LRMDA: variants seen among roughly 807,000 people sequenced by gnomAD.
The protein encoded by LRMDA is leucine-rich melanocyte differentiation-associated protein.
In LRMDA, 18 loss-of-function variants were observed where a neutral mutation model predicts 29.8. That is an observed-to-expected ratio of 0.60 (90% CI 0.42 to 0.90). The LOEUF (loss-of-function observed/expected upper bound fraction) is 0.90. Among genes scored for constraint, LRMDA ranks in the 40% least tolerant of loss-of-function variants. LRMDA has a pLI of 0.00. For synonymous variants in LRMDA, 125 were observed against 109.4 expected (o/e 1.14, Z -0.89); for missense variants, 273 against 273.9 (o/e 1.00, Z 0.02).
At chr10:75,961,544 A>G (rs1160512260) in intron 2 of LRMDA, among the ~76,000 whole-genome samples, 1 of 152,134 alleles carries the variant, frequency 6.6e-6, no homozygotes, top group Non-Finnish European at 1.5e-5. Flanking sequence ...ATTGCAGTTT[A>G]CTCTGCTATT....
chr10:75,622,281 T>A (rs895566339), intron 2 of LRMDA, among the ~76,000 whole-genome samples: 2 of 149,932 alleles, frequency 1.3e-5, no homozygotes, highest in Non-Finnish European at 3.0e-5. Flanking sequence ...ATGAAATTAA[T>A]GGTGTTTTAT....
At chr10:75,639,223 G>T (rs1841423914) in intron 2 of LRMDA, among the ~76,000 whole-genome samples, 2 of 152,134 alleles carry the variant, frequency 1.3e-5, no homozygotes, top group Non-Finnish European at 2.9e-5. Flanking sequence ...GTATTTGTGG[G>T]TATATCAGTC....
intron 6 of LRMDA, among the ~76,000 whole-genome samples, chr10:76,464,215 G>A (rs956547632): frequency 2.6e-5 from 4 of 152,026 alleles, no homozygotes; most frequent in East Asian, 1.9e-4. Context: ...CGCTGCGCCC[G>A]GCAGATATTC....
chr10:75,805,356 C>T (rs909883413), intron 2 of LRMDA, among the ~76,000 whole-genome samples: 1 of 152,194 alleles, frequency 6.6e-6, no homozygotes, highest in Non-Finnish European at 1.5e-5. Context: ...TGCTGCTGAT[C>T]TAAGATGTGG....
chr10:75,657,350 C>T (rs1345667681), intron 2 of LRMDA, among the ~76,000 whole-genome samples: 1 of 152,162 alleles, frequency 6.6e-6, no homozygotes, highest in African/African-American at 2.4e-5. Flanking sequence ...AGCTGATCCT[C>T]ATAAGGCAAT....
intron 6 of LRMDA, among the ~76,000 whole-genome samples, chr10:76,482,890 C>G (rs1328450625): frequency 1.3e-5 from 2 of 151,914 alleles, no homozygotes; most frequent in Non-Finnish European, 2.9e-5. Context: ...CTCACTAATA[C>G]TGGGTATTAT....
At chr10:75,700,113 G>T (rs1842286519) in intron 2 of LRMDA, among the ~76,000 whole-genome samples, 2 of 152,098 alleles carry the variant, frequency 1.3e-5, no homozygotes, top group Non-Finnish European at 2.9e-5. Context: ...TAAATTTCTG[G>T]TTTTTAAAAA....
intron 2 of LRMDA, among the ~76,000 whole-genome samples, chr10:75,578,239 A>AAAAAAAAAAG (rs1276229635): frequency 2.8e-5 from 4 of 144,010 alleles, no homozygotes; most frequent in Non-Finnish European, 4.5e-5. Flanking sequence ...AAAAAAAAAA[A>AAAAAAAAAAG]GCAGCAGTTG....
intron 6 of LRMDA, among the ~76,000 whole-genome samples, chr10:76,376,202 T>G (rs1467526289): frequency 6.6e-6 from 1 of 152,156 alleles, no homozygotes; most frequent in Non-Finnish European, 1.5e-5. Flanking sequence ...TTTGTATATC[T>G]ATGCGTATAC....
In LRMDA at chr10:76,426,009, C is replaced by T. The variant is rs150449069; in HGVS notation, c.601+101524C>T. ...CTTAATCCAGTCTATCATTGTTGGA[C>T]ATTTGGGTTGGTTCCAAGTCTTTGC... is the stretch of plus-strand genomic sequence containing the variant. On this transcript the variant is annotated intron_variant, in intron 6 of 6. Transcript: ENST00000611255. 6.6e-3 allele frequency among the ~76,000 whole-genome samples: 1,003 copies of T among 152,260 alleles called. 8 individuals are homozygous for T. The highest frequency in any genetic ancestry group is 0.023 in the African/African-American group (942 of 41,538).
At chr10:75,587,969 T>C (rs540024618) in intron 2 of LRMDA, among the ~76,000 whole-genome samples, 1 of 152,336 alleles carries the variant, frequency 6.6e-6, no homozygotes, top group East Asian at 1.9e-4. Context: ...TAAAATCTTG[T>C]GTCCAAGGCC....
At chr10:75,455,932 C>T (rs1589149241) in intron 2 of LRMDA, among the ~76,000 whole-genome samples, 1 of 152,208 alleles carries the variant, frequency 6.6e-6, no homozygotes, top group South Asian at 2.1e-4. Flanking sequence ...AGAACCTGAT[C>T]TGTATGCCCT....
At chr10:75,772,617 C>T (rs1843255732) in intron 2 of LRMDA, among the ~76,000 whole-genome samples, 1 of 152,078 alleles carries the variant, frequency 6.6e-6, no homozygotes, top group African/African-American at 2.4e-5. Context: ...TTTCCTTATG[C>T]AAATTCAAAA....
intron 5 of LRMDA, among the ~76,000 whole-genome samples, chr10:76,105,289 T>C (rs1281851430): frequency 1.3e-5 from 2 of 152,172 alleles, no homozygotes; most frequent in African/African-American, 2.4e-5. Flanking sequence ...TTACCGTTTT[T>C]TTCCATGGGT....
intron 2 of LRMDA, among the ~76,000 whole-genome samples, chr10:75,830,977 T>A (rs1169962202): frequency 6.6e-6 from 1 of 151,720 alleles, no homozygotes; most frequent in African/African-American, 2.4e-5. Flanking sequence ...CCATTCTAAA[T>A]GGGAGAAATT....
intron 5 of LRMDA, among the ~76,000 whole-genome samples, chr10:76,280,762 G>T (rs187913074): frequency 6.6e-6 from 1 of 152,044 alleles, no homozygotes; most frequent in East Asian, 1.9e-4. Flanking sequence ...CTGCAAATAT[G>T]AGAAAACCTC....
intron 5 of LRMDA, among the ~76,000 whole-genome samples, chr10:76,136,341 A>C (rs1850094439): frequency 6.6e-6 from 1 of 152,208 alleles, no homozygotes. Flanking sequence ...CTGTTTTTGC[A>C]GAAGTCAGTG....
Position 76,179,370 on chromosome 10 carries a change from G to A in LRMDA, c.516+120587G>A, listed in dbSNP as rs139439462. Among the ~76,000 whole-genome samples, 501 of 152,204 alleles carry A rather than the reference G, an allele frequency of 3.3e-3. 4 individuals carry two copies. Among genetic ancestry groups the A allele is most frequent in the Non-Finnish European group, 4.6e-3 (315 of 68,008 alleles). The stretch of plus-strand genomic sequence containing the variant: ...GGCCTAATTCTCAAACTGAACAGAT[G>A]AGGAAACGGAGGCCTAGAGAGTGGA... On this transcript the variant is annotated intron_variant, in intron 5 of 6. Coordinates refer to ENST00000611255, the MANE Select transcript of LRMDA (RefSeq NM_001305581.2).
At chr10:75,495,906 C>T (rs1845039784) in intron 2 of LRMDA, among the ~76,000 whole-genome samples, 1 of 152,320 alleles carries the variant, frequency 6.6e-6, no homozygotes, top group African/African-American at 2.4e-5. Context: ...CAAAAAGGTG[C>T]TTTGAGGCAG....
Sources: gnomAD v4.1 joint callset for allele counts (sites outside exome capture counted in the v4.1 genomes callset) on GRCh38, gnomAD v4.1.1 for gene constraint, MANE v1.5 for transcripts, NCBI Gene and HGNC (gene_info 2026-07-23, HGNC 2026-07-21) for gene names.